RNF38: variants seen among roughly 807,000 people sequenced by gnomAD.
RNF38 encodes ring finger protein 38, also known as E3 ubiquitin-protein ligase RNF38.
In RNF38, 15 loss-of-function variants were observed where a neutral mutation model predicts 67.2. The ratio of observed to expected loss-of-function variants is 0.22; its 90% CI spans 0.15 to 0.34. The LOEUF (loss-of-function observed/expected upper bound fraction) is 0.34. Ranked by LOEUF, RNF38 falls within the 10% of genes least tolerant of loss-of-function variation. RNF38 has a pLI of 1.00. For synonymous variants in RNF38, 220 were observed against 218.8 expected (o/e 1.01, Z -0.05); for missense variants, 524 against 639.9 (o/e 0.82, Z 1.95).
chr9:36,375,905 A>C (rs779019002), intron 3 of RNF38, 29 bp downstream of exon 3: 1 of 1,569,642 alleles, frequency 6.4e-7, no homozygotes. Flanking sequence ...ATGGAAGAAA[A>C]CTTAAGAAAT....
At chr9:36,365,103 T>C (rs1378686327) in intron 4 of RNF38, among the ~76,000 whole-genome samples, 1 of 152,158 alleles carries the variant, frequency 6.6e-6, no homozygotes, top group Admixed American at 6.5e-5. Flanking sequence ...CTGTAGACAA[T>C]TTCAGGTCTT....
chr9:36,361,188 TTC>T (rs1325064446), intron 4 of RNF38, among the ~76,000 whole-genome samples: 1 of 151,932 alleles, frequency 6.6e-6, no homozygotes, highest in Admixed American at 6.6e-5. Context: ...AGAAAAATAC[TTC>T]TGTTTTACTG....
rs748902713 is a variant in RNF38 at position 36,344,858 on chromosome 9, A to C, written c.1359T>G (p.Pro453=). ...IEQLPSYRFN[P]NNHQSEQTLC... ...AAGTCTGTTCTGACTGGTGGTTGTT[A>C]GGATTGAACCGATAAGAAGGAAGTT... Residue 453 remains proline, a synonymous_variant, in exon 10 of 12, where the codon CCT becomes CCG. Coordinates refer to ENST00000259605, the MANE Select transcript of RNF38 (RefSeq NM_022781.5). 3 of 1,613,918 alleles carry C rather than the reference A, an allele frequency of 1.9e-6. No homozygotes were observed. Among genetic ancestry groups the C allele is most frequent in the African/African-American group, 1.3e-5 (1 of 75,066 alleles).
intron 2 of RNF38, among the ~76,000 whole-genome samples, chr9:36,417,066 A>C (rs1838494040): frequency 2.6e-5 from 4 of 152,002 alleles, no homozygotes; most frequent in Admixed American, 2.6e-4. Context: ...CTGGCCTTGC[A>C]TCAACTTTTA....
At chr9:36,373,589 C>CT (rs71494622) in intron 3 of RNF38, among the ~76,000 whole-genome samples, 5,317 of 131,710 alleles carry the variant, frequency 0.04, 218 homozygotes, top group African/African-American at 0.11. Context: ...TTTGTTAGCC[C>CT]TTTTTTTTTT....
At chr9:36,465,885 C>T (rs1278584029) in intron 1 of RNF38, among the ~76,000 whole-genome samples, 1 of 152,018 alleles carries the variant, frequency 6.6e-6, no homozygotes, top group African/African-American at 2.4e-5. Context: ...CCCGTCTCTA[C>T]TAAAAATACA....
intron 1 of RNF38, among the ~76,000 whole-genome samples, chr9:36,467,731 T>G (rs746545624): frequency 2.6e-5 from 4 of 152,226 alleles, no homozygotes; most frequent in Non-Finnish European, 5.9e-5. Flanking sequence ...AGGTAATTTG[T>G]GGACACACAC....
At chr9:36,364,957 A>C (rs1425679441) in intron 4 of RNF38, among the ~76,000 whole-genome samples, 1 of 152,210 alleles carries the variant, frequency 6.6e-6, no homozygotes, top group Non-Finnish European at 1.5e-5. Flanking sequence ...TTAAAGAGCT[A>C]GAAAGTGAAT....
At position 36,369,939 on chromosome 9, in the gene RNF38, T is replaced by C; in HGVS notation, c.357-7A>G. The C allele has an allele frequency of 6.2e-7, 1 of 1,608,798 alleles. No homozygotes were observed. Among genetic ancestry groups the C allele is most frequent in the Non-Finnish European group, 8.5e-7 (1 of 1,177,642 alleles). The stretch of plus-strand genomic sequence containing the variant: ...CTGGCGCCTGACAGGAGGACTGTGA[T>C]AAATATCAAAAAGAAAGTCATTATG... On this transcript the variant is annotated splice_region_variant and splice_polypyrimidine_tract_variant and intron_variant, in intron 3 of 11. Coordinates refer to ENST00000259605, the MANE Select transcript of RNF38 (RefSeq NM_022781.5).
chr9:36,413,237 A>AT (rs1470720727), intron 2 of RNF38, among the ~76,000 whole-genome samples: 1 of 150,936 alleles, frequency 6.6e-6, no homozygotes, highest in Admixed American at 6.6e-5. Flanking sequence ...CTCAATTTAA[A>AT]AAAAAAAAAA....
At chr9:36,445,544 T>C (rs1017253332) in intron 1 of RNF38, among the ~76,000 whole-genome samples, 1 of 152,182 alleles carries the variant, frequency 6.6e-6, no homozygotes, top group African/African-American at 2.4e-5. Flanking sequence ...CATACGGGTA[T>C]AGAGATGCTT....
chr9:36,460,881 C>G (rs1839713434), intron 1 of RNF38, among the ~76,000 whole-genome samples: 1 of 103,766 alleles, frequency 9.6e-6, no homozygotes, highest in Admixed American at 1.1e-4. Flanking sequence ...GAGGGAAACT[C>G]TCTCAAAAAA....
At chr9:36,369,029 T>A (rs9407034) in intron 4 of RNF38, among the ~76,000 whole-genome samples, 3,330 of 152,210 alleles carry the variant, frequency 0.022, 106 homozygotes, top group African/African-American at 0.071. Context: ...TGAAACATTG[T>A]AGGCTTGTAC....
At chr9:36,360,163 AT>A (rs911567819) in intron 4 of RNF38, among the ~76,000 whole-genome samples, 3 of 150,850 alleles carry the variant, frequency 2.0e-5, no homozygotes, top group African/African-American at 7.3e-5. Flanking sequence ...GAAAAAAAAA[AT>A]TAGTTTTCTT....
At chr9:36,362,001 A>G (rs1399631349) in intron 4 of RNF38, among the ~76,000 whole-genome samples, 1 of 152,190 alleles carries the variant, frequency 6.6e-6, no homozygotes, top group East Asian at 1.9e-4. Flanking sequence ...GATGCCATCA[A>G]TTGCGAGAAG....
At position 36,338,409 on chromosome 9, in the gene RNF38, G is replaced by A. The variant is rs906895631; in HGVS notation, c.*1343C>T. On this transcript the variant is annotated 3_prime_UTR_variant, in exon 12 of 12. Coordinates refer to ENST00000259605, the MANE Select transcript of RNF38 (RefSeq NM_022781.5). ...CATTCAAACAAAAATTAAAAGGAAA[G>A]GCAGTAAAATATCAAAACAAATCAG... 3 of 152,142 alleles carry A rather than the reference G, an allele frequency of 2.0e-5. No individual in the cohort carries two copies. The highest frequency in any genetic ancestry group is 2.0e-4 in the Admixed American group (3 of 15,260). 9.4% of individuals were successfully genotyped at this position (152,142 alleles called of 1,614,324 possible).
At chr9:36,434,528 C>G (rs960116990) in intron 1 of RNF38, among the ~76,000 whole-genome samples, 1 of 152,142 alleles carries the variant, frequency 6.6e-6, no homozygotes, top group African/African-American at 2.4e-5. Flanking sequence ...TGGGATTACA[C>G]GCATGCGCCA....
intron 4 of RNF38, among the ~76,000 whole-genome samples, chr9:36,358,159 C>T (rs1185807171): frequency 6.6e-6 from 1 of 152,038 alleles, no homozygotes; most frequent in African/African-American, 2.4e-5. Flanking sequence ...GGGCTAAACT[C>T]CTCCCTCAAA....
rs1405795153 is a variant in RNF38 at position 36,336,512 on chromosome 9, T to G, written c.*3240A>C. 1.3e-5 allele frequency: 2 copies of G among 152,694 alleles called. No homozygotes were observed. The highest frequency in any genetic ancestry group is 2.4e-5 in the African/African-American group (1 of 41,554). 9.5% of individuals were successfully genotyped at this position (152,694 alleles called of 1,614,324 possible). A position where few individuals can be genotyped will look rare whatever the true frequency, so the allele number is the denominator to read the frequency against. ...TACTTAGTAAAGCATTACTAGTAACTTTCATAAAAAATGTACAAACTTTGT... is the reference window on the plus strand; with the variant it reads ...TACTTAGTAAAGCATTACTAGTAACGTTCATAAAAAATGTACAAACTTTGT... On this transcript the variant is annotated 3_prime_UTR_variant, in exon 12 of 12. Transcript: ENST00000259605.
Sources: gnomAD v4.1 joint callset for allele counts (sites outside exome capture counted in the v4.1 genomes callset) on GRCh38, gnomAD v4.1.1 for gene constraint, MANE v1.5 for transcripts, NCBI Gene and HGNC (gene_info 2026-07-23, HGNC 2026-07-21) for gene names.